The following CCDC171 variants were observed in gnomAD, a reference collection of about 807,000 sequenced individuals.
The protein encoded by CCDC171 is coiled-coil domain-containing protein 171.
Under a neutral mutation model 168.2 loss-of-function variants are expected in CCDC171, and 177 were observed. That is an observed-to-expected ratio of 1.05 (90% CI 0.93 to 1.19). The LOEUF (loss-of-function observed/expected upper bound fraction) is 1.19. CCDC171 is among the 50% of genes most tolerant of loss of function. The probability of loss-of-function intolerance (pLI) is 0.00; values close to 1 mark genes in which losing one functional copy is unlikely to be tolerated. For missense variants in CCDC171, 1,991 were observed against 1,539.0 expected (o/e 1.29, Z -4.91); for synonymous variants, 687 against 540.8 (o/e 1.27, Z -3.75).
chr9:15,582,121 A>G (rs1281121125), intron 4 of CCDC171, among the ~76,000 whole-genome samples: 3 of 152,242 alleles, frequency 2.0e-5, no homozygotes, highest in Non-Finnish European at 4.4e-5. Context: ...GGCAAAGGAT[A>G]TGAACAGACA....
chr9:15,801,501 C>G (rs1313750522), intron 21 of CCDC171, among the ~76,000 whole-genome samples: 1 of 151,956 alleles, frequency 6.6e-6, no homozygotes, highest in African/African-American at 2.4e-5. Context: ...TTTATCAGTT[C>G]TAATAGTTTT....
In CCDC171 at chr9:15,816,577, A is replaced by T. The variant is rs1218368136; in HGVS notation, c.3268-30125A>T. Among the ~76,000 whole-genome samples the T allele has an allele frequency of 1.7e-5, 2 of 118,608 alleles. 1 individual carries two copies. Among genetic ancestry groups the T allele is most frequent in the African/African-American group, 6.3e-5 (2 of 31,684 alleles). 77.8% of individuals were successfully genotyped at this position (118,608 alleles called of 152,430 possible). A position where few individuals can be genotyped will look rare whatever the true frequency, so the allele number is the denominator to read the frequency against. ...GGAAACAGAGGCAAGTTAGGAGGCTAACAGTATAATCCAGTTCAGTTCTAA... is the reference window on the plus strand; with the variant it reads ...GGAAACAGAGGCAAGTTAGGAGGCTTACAGTATAATCCAGTTCAGTTCTAA... On this transcript the variant is annotated intron_variant, in intron 21 of 25. Coordinates refer to ENST00000380701, the MANE Select transcript of CCDC171 (RefSeq NM_173550.4).
chr9:16,036,347 A>C (rs949027589), intron 8 of CCDC171: 1 of 152,314 alleles, frequency 6.6e-6, no homozygotes, highest in Non-Finnish European at 1.5e-5. Flanking sequence ...ACAGAGAGAC[A>C]AAAAAGAAAT....
intron 21 of CCDC171, among the ~76,000 whole-genome samples, chr9:15,814,972 G>C (rs1020950008): frequency 2.0e-5 from 3 of 152,172 alleles, no homozygotes; most frequent in Non-Finnish European, 4.4e-5. Context: ...CTTACATTCT[G>C]TGAATTGGTC....
intron 18 of CCDC171, among the ~76,000 whole-genome samples, chr9:15,748,341 G>T (rs1198828228): frequency 6.6e-6 from 1 of 152,190 alleles, no homozygotes; most frequent in Non-Finnish European, 1.5e-5. Context: ...CCAAATCTGT[G>T]TTTGATTGGT....
the CCDC171 span, among the ~76,000 whole-genome samples, chr9:16,070,102 T>C: frequency 6.6e-6 from 1 of 152,172 alleles, no homozygotes; most frequent in African/African-American, 2.4e-5. Flanking sequence ...CTGCGAGCCG[T>C]GTAGCTTTAA....
chr9:15,942,025 A>G (rs1160893097), intron 25 of CCDC171, among the ~76,000 whole-genome samples: 1 of 151,906 alleles, frequency 6.6e-6, no homozygotes, highest in East Asian at 1.9e-4. Context: ...CTTGCTTGGA[A>G]TAGTATTTTC....
At chr9:15,588,614 GA>G (rs747180360) in intron 4 of CCDC171, 6 of 286,858 alleles carry the variant, frequency 2.1e-5, no homozygotes, top group Non-Finnish European at 4.3e-5. Flanking sequence ...GACGCCAAGT[GA>G]AATGTGTGCA....
At position 15,841,183 on chromosome 9, in the gene CCDC171, T is replaced by C. The variant is rs571088718; in HGVS notation, c.3268-5519T>C. ...ACATGGCCTATTTATAAAAGTAACG[T>C]ATTTTACACTCTTCTTTGTTAATTT... On this transcript the variant is annotated intron_variant, in intron 21 of 25. Coordinates refer to ENST00000380701, the MANE Select transcript of CCDC171 (RefSeq NM_173550.4). Among the ~76,000 whole-genome samples, 20 of 152,202 alleles carry C rather than the reference T, an allele frequency of 1.3e-4. No homozygotes were observed. In the South Asian group the frequency reaches 4.1e-3, roughly 31 times the overall value.
intron 6 of CCDC171, among the ~76,000 whole-genome samples, chr9:16,028,046 C>A (rs1269580495): frequency 6.6e-6 from 1 of 152,120 alleles, no homozygotes; most frequent in African/African-American, 2.4e-5. Context: ...CTAGCCTTGA[C>A]ACATAGGTTA....
chr9:15,577,674 G>A (rs2040777896), intron 3 of CCDC171, among the ~76,000 whole-genome samples: 1 of 152,178 alleles, frequency 6.6e-6, no homozygotes, highest in South Asian at 2.1e-4. Flanking sequence ...AGCGGGTATT[G>A]GTTACACAGG....
intron 18 of CCDC171, among the ~76,000 whole-genome samples, chr9:15,746,170 G>A (rs12341679): frequency 0.48 from 72,617 of 151,890 alleles, 17,682 homozygotes; most frequent in African/African-American, 0.53. Flanking sequence ...TTTATGATTC[G>A]GATTGCATGA....
At chr9:15,935,496 T>A (rs1317951564) in intron 25 of CCDC171, among the ~76,000 whole-genome samples, 1 of 152,064 alleles carries the variant, frequency 6.6e-6, no homozygotes, top group Non-Finnish European at 1.5e-5. Context: ...CTATGTTTTG[T>A]CTTGTTCCTG....
At chr9:15,648,612 G>C (rs2047239071) in intron 7 of CCDC171, among the ~76,000 whole-genome samples, 1 of 152,008 alleles carries the variant, frequency 6.6e-6, no homozygotes. Flanking sequence ...TAACAGAGAA[G>C]CAGAGAGCCA....
rs780962043 is a variant in CCDC171 at position 15,855,403 on chromosome 9, C to G, written c.3468+6456C>G. Among the ~76,000 whole-genome samples, 3 of 151,894 alleles carry G rather than the reference C, an allele frequency of 2.0e-5. 1 individual carries two copies. In the South Asian group the frequency reaches 6.2e-4, roughly 32 times the overall value. ...TACTGTTTGCGTGGGCTATCTTTTT[C>G]TGTCTTTTCACTTTTAACCTATTGG... On this transcript the variant is annotated intron_variant, in intron 23 of 25. Transcript: ENST00000380701.
rs569938304 is a variant in CCDC171, at chr9:15,789,325, A to T, written c.3267+4631A>T. 2.0e-5 allele frequency among the ~76,000 whole-genome samples: 3 copies of T among 152,298 alleles called. No individual in the cohort carries two copies. In the East Asian group the frequency reaches 5.8e-4, roughly 29 times the overall value. Reference sequence around the variant, plus strand: ...ATCTGAAATACTTCTGGTCCTGAGCATTTTACATAAGGGATGCTCAACCTA... The same window carrying T: ...ATCTGAAATACTTCTGGTCCTGAGCTTTTTACATAAGGGATGCTCAACCTA... On this transcript the variant is annotated intron_variant, in intron 21 of 25. Transcript: ENST00000380701.
At position 15,591,570 on chromosome 9, in the gene CCDC171, T is replaced by TA. The variant is rs1210688171; in HGVS notation, c.543+15dup. On this transcript the variant is annotated intron_variant, in intron 5 of 25. Coordinates refer to ENST00000380701, the MANE Select transcript of CCDC171 (RefSeq NM_173550.4). ...AAAACTCTACAGGTAAAATAGTTTT[T>TA]ATAAAGGAATTTTCCGATATGTAAT... 7.2e-7 allele frequency: 1 copy of TA among 1,397,918 alleles called. No homozygotes were observed. The highest frequency in any genetic ancestry group is 1.5e-5 in the African/African-American group (1 of 67,956). The allele number at this position is 1,397,918 out of a possible 1,614,324, so 86.6% of individuals were successfully genotyped here.
chr9:15,963,369 TG>T (rs1830524296), intron 25 of CCDC171, among the ~76,000 whole-genome samples: 1 of 152,148 alleles, frequency 6.6e-6, no homozygotes, highest in African/African-American at 2.4e-5. Flanking sequence ...AAAAAAGTTT[TG>T]TTTATCTATC....
chr9:15,975,477 A>C (rs946554430), downstream of CCDC171, among the ~76,000 whole-genome samples: 3 of 152,232 alleles, frequency 2.0e-5, no homozygotes, highest in Admixed American at 6.5e-5. Context: ...ACAAAACAAA[A>C]TACATACATA....
Sources: gnomAD v4.1 joint callset for allele counts (sites outside exome capture counted in the v4.1 genomes callset) on GRCh38, gnomAD v4.1.1 for gene constraint, MANE v1.5 for transcripts, NCBI Gene and HGNC (gene_info 2026-07-23, HGNC 2026-07-21) for gene names.